The following SATB1 variants were observed in gnomAD, a reference collection of about 807,000 sequenced individuals.
The protein encoded by SATB1 is DNA-binding protein SATB1.
In SATB1, 11 loss-of-function variants were observed where a neutral mutation model predicts 86.9. The ratio of observed to expected loss-of-function variants is 0.13; its 90% CI spans 0.08 to 0.21. The LOEUF is 0.21. Among genes scored for constraint, SATB1 ranks in the 10% least tolerant of loss-of-function variants. The probability of loss-of-function intolerance (pLI) is 1.00; values close to 1 mark genes in which losing one functional copy is unlikely to be tolerated. For missense variants in SATB1, 551 were observed against 937.6 expected, an observed-to-expected ratio of 0.59 and a Z score of 5.39; for synonymous variants, 357 against 357.2, an observed-to-expected ratio of 1.00 and a Z score of 0.01.
At chr3:18,414,918 G>A in intron 5 of SATB1, 193 bp downstream of exon 5, 1 of 535,618 alleles carries the variant, frequency 1.9e-6, no homozygotes, top group Non-Finnish European at 3.2e-6. Context: ...TTTCCCCAAG[G>A]GAGAAAAAGC....
chr3:18,417,485 C>T, intron 2 of SATB1: 1 of 596,406 alleles, frequency 1.7e-6, no homozygotes, highest in South Asian at 2.1e-5. Flanking sequence ...ACCCACCTTT[C>T]TACTGCTTAC....
rs1310548945 is a variant in SATB1, at chr3:18,351,279, T to C, written c.1779+713A>G. The C allele has an allele frequency of 2.0e-6, 3 of 1,514,556 alleles. No homozygotes were observed. In the African/African-American group the frequency reaches 4.1e-5, roughly 21 times the overall value. The allele number at this position is 1,514,556 out of a possible 1,614,324, so 93.8% of individuals were successfully genotyped here. On this transcript the variant is annotated intron_variant, in intron 10 of 10. Coordinates refer to ENST00000338745, the MANE Select transcript of SATB1 (RefSeq NM_002971.6). ...GTCTTTAGGTCACCCCCTCTCTGTG[T>C]CCCTTGGTGGCATAGGTAACTGTGC...
intron 1 of SATB1, chr3:18,445,042 G>A (rs1699349935): frequency 4.1e-6 from 1 of 243,986 alleles, no homozygotes; most frequent in Admixed American, 6.6e-5. Flanking sequence ...GTCCCCCGCG[G>A]GAGCCCGCAG....
Position 18,349,701 on chromosome 3 carries a change from A to G in SATB1, c.1780-19T>C. Reference sequence around the variant, plus strand: ...GCTGTTGCTGCAAAGAAACAAGGAGACAATCAGAGCTCTGCTATCGTGGAG... The same window carrying G: ...GCTGTTGCTGCAAAGAAACAAGGAGGCAATCAGAGCTCTGCTATCGTGGAG... On this transcript the variant is annotated intron_variant, in intron 10 of 10. Transcript: ENST00000338745. This position sits in a 1 kb window ranked among gnomAD's most constrained non-coding sequence, Gnocchi z 5.5. The G allele has an allele frequency of 2.5e-6, 4 of 1,577,054 alleles. No individual in the cohort carries two copies. The highest frequency in any genetic ancestry group is 3.4e-6 in the Non-Finnish European group (4 of 1,162,456).
chr3:18,408,693 T>C (rs374412247), intron 5 of SATB1: 3 of 143,302 alleles, frequency 2.1e-5, no homozygotes, highest in East Asian at 2.0e-4. Context: ...TTTTTTTTTT[T>C]CCTGGAGTTG....
chr3:18,416,791 C>T, intron 3 of SATB1, 111 bp downstream of exon 3: 1 of 1,079,602 alleles, frequency 9.3e-7, no homozygotes, highest in South Asian at 1.7e-5. Flanking sequence ...TATAAGGAAC[C>T]AATGTAATAC....
chr3:18,353,170 A>AC (rs1034704532), intron 9 of SATB1: 1 of 152,128 alleles, frequency 6.6e-6, no homozygotes, highest in African/African-American at 2.4e-5. Flanking sequence ...ATGTCTTGAA[A>AC]CCAACTCTAC....
intron 8 of SATB1, among the ~76,000 whole-genome samples, chr3:18,380,573 ATG>A (rs1222875379): frequency 2.6e-5 from 4 of 152,152 alleles, no homozygotes; most frequent in African/African-American, 4.8e-5. Flanking sequence ...TAAAAAAAGA[ATG>A]TGAGGGTGAA....
At chr3:18,395,010 A>T (rs558202153) in intron 6 of SATB1, 94 bp from the exon 7 acceptor site, 345 of 971,992 alleles carry the variant, frequency 3.5e-4, no homozygotes, top group Middle Eastern at 1.5e-3. Flanking sequence ...AAGGGTAGGC[A>T]CAGGGCACAC....
chr3:18,376,159 C>T (rs1559412576), intron 9 of SATB1, among the ~76,000 whole-genome samples: 1 of 151,862 alleles, frequency 6.6e-6, no homozygotes, highest in Non-Finnish European at 1.5e-5. Flanking sequence ...CTAAATAGCT[C>T]CAAAATCAGT....
upstream of SATB1, among the ~76,000 whole-genome samples, chr3:18,428,246 G>A (rs1035490768): frequency 6.6e-6 from 1 of 152,178 alleles, no homozygotes; most frequent in South Asian, 2.1e-4. Context: ...TACATGGCAA[G>A]GGGCTTGAGT....
intron 8 of SATB1, among the ~76,000 whole-genome samples, chr3:18,382,796 T>A (rs1034549733): frequency 5.3e-5 from 8 of 152,220 alleles, no homozygotes; most frequent in Non-Finnish European, 1.5e-5. Flanking sequence ...CCATCCTCTA[T>A]GACAAACAAA....
chr3:18,381,844 A>T (rs1244265998), intron 8 of SATB1, among the ~76,000 whole-genome samples: 1 of 152,096 alleles, frequency 6.6e-6, no homozygotes, highest in Non-Finnish European at 1.5e-5. Flanking sequence ...CCCACTCTCA[A>T]ATTTTAATAT....
At chr3:18,428,932 A>G (rs778389391), upstream of SATB1, among the ~76,000 whole-genome samples, 8 of 152,362 alleles carry the variant, frequency 5.3e-5, no homozygotes, top group Non-Finnish European at 1.0e-4. Flanking sequence ...TTTAAGATAT[A>G]GCAACTCCGC....
intron 5 of SATB1, among the ~76,000 whole-genome samples, chr3:18,411,886 T>C (rs1318744597): frequency 6.6e-6 from 1 of 152,042 alleles, no homozygotes; most frequent in Admixed American, 6.6e-5. Context: ...GAGTTGTAAA[T>C]CAAACTAAGC....
intron 7 of SATB1, among the ~76,000 whole-genome samples, chr3:18,389,398 G>T (rs1011654333): frequency 6.7e-6 from 1 of 150,056 alleles, no homozygotes; most frequent in African/African-American, 2.5e-5. Flanking sequence ...GAATAATTTT[G>T]GATGCAAAAT....
intron 9 of SATB1, among the ~76,000 whole-genome samples, chr3:18,377,847 T>C (rs1399805396): frequency 6.6e-6 from 1 of 152,142 alleles, no homozygotes; most frequent in Non-Finnish European, 1.5e-5. Context: ...AATGAAATAA[T>C]AGTAATTCAC....
At chr3:18,368,885 A>G (rs921873402) in intron 9 of SATB1, among the ~76,000 whole-genome samples, 5 of 152,112 alleles carry the variant, frequency 3.3e-5, no homozygotes, top group African/African-American at 1.2e-4. Context: ...GTTTTCCACC[A>G]GCTTATCTGC....
rs575189802 is a variant in SATB1, at chr3:18,349,825, G to A, written c.1780-143C>T. On this transcript the variant is annotated intron_variant, in intron 10 of 10. Coordinates refer to ENST00000338745, the MANE Select transcript of SATB1 (RefSeq NM_002971.6). The surrounding 1 kb of genome is among the most constrained non-coding windows in gnomAD (Gnocchi z 5.5). ...AAGATTTAGAAAGAAAAGGTAGGCCGGCGAAATGGCCGACAGCATTTACAA... is the reference window on the plus strand; with the variant it reads ...AAGATTTAGAAAGAAAAGGTAGGCCAGCGAAATGGCCGACAGCATTTACAA... 1.5e-5 allele frequency: 21 copies of A among 1,372,222 alleles called. No homozygotes were observed. In the African/African-American group the frequency reaches 2.2e-4, roughly 14 times the overall value. The allele number at this position is 1,372,222 out of a possible 1,614,324, so 85.0% of individuals were successfully genotyped here. A position where few individuals can be genotyped will look rare whatever the true frequency, so the allele number is the denominator to read the frequency against.
Sources: allele counts gnomAD v4.1 joint callset (sites outside exome capture counted in the v4.1 genomes callset), GRCh38; gene constraint gnomAD v4.1.1; non-coding constraint Gnocchi (gnomAD v3.1); transcripts MANE v1.5; gene names NCBI Gene and HGNC (gene_info 2026-07-23, HGNC 2026-07-21).